Variants in ANO3 observed in about 807,000 individuals in gnomAD.
ANO3 encodes anoctamin 3.
ANO3 carries 99 observed loss-of-function variants against 144.8 expected under a neutral mutation model. That is an observed-to-expected ratio of 0.68 (90% CI 0.58 to 0.81). The LOEUF is 0.81. Ranked by LOEUF, ANO3 falls within the 30% of genes least tolerant of loss-of-function variation. ANO3 has a pLI of 0.00. For synonymous variants in ANO3, 414 were observed against 392.6 expected (o/e 1.05, Z -0.64); for missense variants, 905 against 1,202.2 (o/e 0.75, Z 3.66).
chr11:26,244,974 G>GGTGTGTGTGTGTGT (rs61543573), intron 1 of ANO3, among the ~76,000 whole-genome samples: 4 of 121,638 alleles, frequency 3.3e-5, no homozygotes, highest in South Asian at 3.0e-4. Context: ...CTGGTCTCCT[G>GGTGTGTGTGTGTGT]GTGTGTGTGT....
intron 14 of ANO3, among the ~76,000 whole-genome samples, chr11:26,566,775 G>C (rs1375276837): frequency 6.7e-6 from 1 of 148,586 alleles, no homozygotes; most frequent in Non-Finnish European, 1.5e-5. Context: ...AAAATGTTTT[G>C]AAATCAGATT....
intron 14 of ANO3, among the ~76,000 whole-genome samples, chr11:26,586,860 A>G (rs540565890): frequency 6.6e-6 from 1 of 152,096 alleles, no homozygotes; most frequent in Admixed American, 6.6e-5. Context: ...TGATCCAGCC[A>G]GGAGCCCAGA....
intron 4 of ANO3, among the ~76,000 whole-genome samples, chr11:26,491,543 G>A (rs1860709199): frequency 6.6e-6 from 1 of 152,132 alleles, no homozygotes; most frequent in African/African-American, 2.4e-5. Context: ...CATAAAGAAG[G>A]GTATTCAGAA....
At chr11:26,519,127 T>C (rs900233822) in intron 6 of ANO3, among the ~76,000 whole-genome samples, 5 of 152,174 alleles carry the variant, frequency 3.3e-5, no homozygotes, top group African/African-American at 1.2e-4. Flanking sequence ...GCATCATAAC[T>C]GAATTTATGT....
At chr11:26,283,950 T>C (rs932036946) in intron 1 of ANO3, among the ~76,000 whole-genome samples, 1 of 152,020 alleles carries the variant, frequency 6.6e-6, no homozygotes, top group Non-Finnish European at 1.5e-5. Context: ...ACAAGACACA[T>C]GAAAAATGAG....
At chr11:26,560,421 G>A (rs2134246670) in intron 14 of ANO3, 1 of 152,208 alleles carries the variant, frequency 6.6e-6, no homozygotes, top group African/African-American at 2.4e-5. Context: ...TACTTTCCTG[G>A]GTAGGGTCAG....
At chr11:26,508,478 A>G (rs568560685) in intron 5 of ANO3, 1 of 422,052 alleles carries the variant, frequency 2.4e-6, no homozygotes, top group South Asian at 1.1e-4. Flanking sequence ...TTCAAAGGGC[A>G]TGACTATTTT....
At chr11:26,542,140 T>G (rs1849662561) in intron 11 of ANO3, 72 bp downstream of exon 11, 7 of 1,523,576 alleles carry the variant, frequency 4.6e-6, no homozygotes, top group Non-Finnish European at 5.3e-6. Context: ...TTGGAATTAT[T>G]TATTGTGCTC....
intron 17 of ANO3, among the ~76,000 whole-genome samples, chr11:26,606,318 G>A (rs1024431585): frequency 2.6e-5 from 4 of 152,152 alleles, no homozygotes; most frequent in Admixed American, 2.6e-4. Flanking sequence ...CCATTCTTTT[G>A]CATTTGCTGA....
At chr11:26,362,689 T>C (rs1286942651) in intron 1 of ANO3, among the ~76,000 whole-genome samples, 1 of 152,196 alleles carries the variant, frequency 6.6e-6, no homozygotes, top group Non-Finnish European at 1.5e-5. Flanking sequence ...AACTCTAGCA[T>C]AAAATGCACT....
At chr11:26,441,157 G>A (rs1039416074) in intron 1 of ANO3, among the ~76,000 whole-genome samples, 3 of 118,390 alleles carry the variant, frequency 2.5e-5, no homozygotes, top group South Asian at 2.9e-4. Flanking sequence ...TCGCTCTGTC[G>A]CCCAGGCTGG....
At chr11:26,233,227 A>AC (rs1407358590) in intron 1 of ANO3, among the ~76,000 whole-genome samples, 1 of 148,476 alleles carries the variant, frequency 6.7e-6, no homozygotes, top group African/African-American at 2.4e-5. Flanking sequence ...AAAAAAAAAA[A>AC]AAGAAAAGAA....
rs183829522 is a variant in ANO3, at chr11:26,303,773, G to C, written c.155-5872G>C. 3.4e-4 allele frequency among the ~76,000 whole-genome samples: 52 copies of C among 152,268 alleles called. 2 individuals are homozygous for C. In the East Asian group the frequency reaches 9.5e-3, roughly 28 times the overall value. On this transcript the variant is annotated intron_variant, in intron 1 of 27. Transcript: ENST00000672621. ...CTAGCACTGTCACCCAGGCTGGAGTGCAGTGGCATGATCTCGGCTCACTGC... is the reference window on the plus strand; with the variant it reads ...CTAGCACTGTCACCCAGGCTGGAGTCCAGTGGCATGATCTCGGCTCACTGC...
intron 1 of ANO3, among the ~76,000 whole-genome samples, chr11:26,194,852 C>T (rs1439024872): frequency 6.6e-6 from 1 of 151,998 alleles, no homozygotes; most frequent in East Asian, 1.9e-4. Flanking sequence ...AAGTGTGAGC[C>T]ACCGTGTCCA....
chr11:26,583,877 T>C (rs1163423379), intron 14 of ANO3, among the ~76,000 whole-genome samples: 1 of 152,162 alleles, frequency 6.6e-6, no homozygotes, highest in African/African-American at 2.4e-5. Context: ...AACTGGGCCT[T>C]CTTTTGAGAA....
intron 1 of ANO3, among the ~76,000 whole-genome samples, chr11:26,270,037 C>T (rs1168020608): frequency 1.3e-5 from 2 of 152,102 alleles, no homozygotes; most frequent in African/African-American, 2.4e-5. Flanking sequence ...AGGAGAGAGG[C>T]CTCAGAAGAA....
chr11:26,348,582 C>T (rs1277832081), intron 1 of ANO3, among the ~76,000 whole-genome samples: 1 of 152,178 alleles, frequency 6.6e-6, no homozygotes, highest in African/African-American at 2.4e-5. Context: ...TTATAACAGA[C>T]ATTAAATAAA....
At chr11:26,212,470 G>A (rs1361480441) in intron 1 of ANO3, among the ~76,000 whole-genome samples, 2 of 151,914 alleles carry the variant, frequency 1.3e-5, no homozygotes, top group Non-Finnish European at 2.9e-5. Context: ...TGATACCATT[G>A]AAATACAAAC....
intron 1 of ANO3, among the ~76,000 whole-genome samples, chr11:26,342,936 A>G (rs1855403179): frequency 6.6e-6 from 1 of 152,192 alleles, no homozygotes; most frequent in South Asian, 2.1e-4. Flanking sequence ...TTGTAAAATT[A>G]TTACCACAAT....
Sources: gnomAD v4.1 joint callset for allele counts (sites outside exome capture counted in the v4.1 genomes callset) on GRCh38, gnomAD v4.1.1 for gene constraint, MANE v1.5 for transcripts, NCBI Gene and HGNC (gene_info 2026-07-23, HGNC 2026-07-21) for gene names.